Variants in TEK observed in about 807,000 individuals in gnomAD.
TEK encodes the protein angiopoietin-1 receptor.
A neutral mutation model predicts 131.8 loss-of-function variants in TEK; 43 were observed. That is an observed-to-expected ratio of 0.33 (90% confidence interval 0.26 to 0.42). The LOEUF (loss-of-function observed/expected upper bound fraction) is 0.42. TEK is among the 10% of genes least tolerant of loss of function. The pLI is 1.00. For missense variants in TEK, 1,162 were observed against 1,384.4 expected (o/e 0.84, Z 2.55); for synonymous variants, 580 against 491.6 (o/e 1.18, Z -2.38).
In TEK at chr9:27,204,996, C is replaced by T. The variant is rs1825352954; in HGVS notation, c.2295C>T (p.Ala765=). 6.2e-7 allele frequency: 1 copy of T among 1,613,896 alleles called. No homozygotes were observed. The highest frequency in any genetic ancestry group is 1.1e-5 in the South Asian group (1 of 91,086). Residue 765 remains alanine (A), a synonymous_variant, in exon 14 of 23, where the codon GCC becomes GCT. Coordinates refer to ENST00000380036, the MANE Select transcript of TEK (RefSeq NM_000459.5). ...TGACCTGCCTGACTGTGCTGTTGGC[C>T]TTTCTGATCATATTGCAATTGAAGA... The part of the protein sequence containing the change: ...AGMTCLTVLL[A]FLIILQLKRA...
intron 21 of TEK, among the ~76,000 whole-genome samples, chr9:27,225,013 A>T (rs1242672269): frequency 6.6e-6 from 1 of 152,220 alleles, no homozygotes; most frequent in African/African-American, 2.4e-5. Context: ...CACAACTGCT[A>T]CAAAGAGAAT....
At chr9:27,196,010 T>G (rs1454965309) in intron 11 of TEK, among the ~76,000 whole-genome samples, 1 of 152,212 alleles carries the variant, frequency 6.6e-6, no homozygotes, top group African/African-American at 2.4e-5. Context: ...GGAATAGGCC[T>G]GGCCCTGCCA....
chr9:27,169,748 G>A (rs1823879126), intron 4 of TEK, 119 bp downstream of exon 4: 12 of 1,369,666 alleles, frequency 8.8e-6, no homozygotes, highest in Non-Finnish European at 1.2e-5. Context: ...ATTGGTTGGA[G>A]GTTGTATTAG....
At chr9:27,156,275 T>C (rs951645663) in intron 1 of TEK, among the ~76,000 whole-genome samples, 2 of 152,146 alleles carry the variant, frequency 1.3e-5, no homozygotes, top group Non-Finnish European at 2.9e-5. Context: ...GAATATTCCA[T>C]TGTAAACCAA....
In TEK at chr9:27,205,094, A is replaced by G. The variant is rs1410529570; in HGVS notation, c.2364+29A>G. ...GTGTCTCATCTTCCTACTAGCTAAT[A>G]AGGGCAAGTCCAAGTACAGGCAGAA... is the stretch of plus-strand genomic sequence containing the variant. On this transcript the variant is annotated intron_variant, in intron 14 of 22. Transcript: ENST00000380036. 3.1e-6 allele frequency: 5 copies of G among 1,613,606 alleles called. No individual in the cohort carries two copies. In the South Asian group the frequency reaches 3.3e-5, roughly 11 times the overall value.
intron 1 of TEK, among the ~76,000 whole-genome samples, chr9:27,128,786 A>G (rs1822096734): frequency 6.6e-6 from 1 of 152,032 alleles, no homozygotes; most frequent in African/African-American, 2.4e-5. Context: ...TTTGTCTGCT[A>G]TTGGTGTATA....
At chr9:27,139,769 G>T (rs1440981526) in intron 1 of TEK, among the ~76,000 whole-genome samples, 1 of 152,174 alleles carries the variant, frequency 6.6e-6, no homozygotes, top group African/African-American at 2.4e-5. Flanking sequence ...TTGGGCTTCA[G>T]TGAGTTGAGA....
chr9:27,214,457 T>TA (rs1159072817), intron 18 of TEK, among the ~76,000 whole-genome samples: 1 of 152,348 alleles, frequency 6.6e-6, no homozygotes, highest in East Asian at 1.9e-4. Flanking sequence ...TCATAAGATA[T>TA]AGACAATCTT....
intron 12 of TEK, among the ~76,000 whole-genome samples, chr9:27,199,262 T>C (rs1825134908): frequency 1.3e-5 from 2 of 152,242 alleles, no homozygotes; most frequent in Admixed American, 6.5e-5. Context: ...ATGTATCTTG[T>C]CATTCATCCT....
chr9:27,165,605 C>A (rs1823701007), intron 2 of TEK, among the ~76,000 whole-genome samples: 1 of 152,178 alleles, frequency 6.6e-6, no homozygotes, highest in Non-Finnish European at 1.5e-5. Context: ...CAGGGCTTAG[C>A]CTACATCACT....
In TEK at chr9:27,206,683, T is replaced by A. The variant is rs2131215061; in HGVS notation, c.2466T>A (p.Asn822Lys). The A allele has an allele frequency of 6.2e-7, 1 of 1,614,132 alleles. No individual in the cohort carries two copies. Among genetic ancestry groups the A allele is most frequent in the African/African-American group, 1.3e-5 (1 of 75,052 alleles). ...DPTIYPVLDW[N>K]DIKFQDVIGE... ...CAATTTATCCAGTGCTTGACTGGAA[T>A]GACATCAAATTTCAAGATGTGATTG... is the stretch of plus-strand genomic sequence containing the variant. The change falls in exon 15 of 23, where the codon AAT (asparagine) becomes AAA (lysine). Residue 822 changes from asparagine (N) to lysine (K), a missense_variant. Around this residue, in one of 6 missense-constraint regions of TEK, gnomAD observed 477 missense variants for 471.0 expected, o/e 1.01. Coordinates refer to ENST00000380036, the MANE Select transcript of TEK (RefSeq NM_000459.5).
At chr9:27,194,935 C>T (rs898161270) in intron 11 of TEK, among the ~76,000 whole-genome samples, 5 of 151,824 alleles carry the variant, frequency 3.3e-5, no homozygotes, top group African/African-American at 7.3e-5. Flanking sequence ...GACAGGGAGG[C>T]GTATGGGGTA....
At chr9:27,143,051 G>A (rs1283704920) in intron 1 of TEK, among the ~76,000 whole-genome samples, 1 of 152,200 alleles carries the variant, frequency 6.6e-6, no homozygotes, top group Non-Finnish European at 1.5e-5. Flanking sequence ...AGCCGCTCTA[G>A]GGAGGTACCC....
At chr9:27,128,472 T>C (rs951054493) in intron 1 of TEK, among the ~76,000 whole-genome samples, 10 of 152,284 alleles carry the variant, frequency 6.6e-5, no homozygotes, top group Non-Finnish European at 1.5e-4. Flanking sequence ...TCTTTTTTGG[T>C]TCCATATGAA....
chr9:27,168,439 C>T, intron 2 of TEK, 56 bp from the exon 3 acceptor site: 2 of 1,387,692 alleles, frequency 1.4e-6, no homozygotes, highest in Non-Finnish European at 2.0e-6. Context: ...AGCTCAATTG[C>T]TCCTGGAGAA....
intron 1 of TEK, 91 bp from the exon 2 acceptor site, chr9:27,157,740 A>G: frequency 7.0e-7 from 1 of 1,427,044 alleles, no homozygotes; most frequent in Non-Finnish European, 9.9e-7. Flanking sequence ...TCCTCACACA[A>G]CTTTAAGACA....
At chr9:27,207,932 G>A (rs886810293) in intron 15 of TEK, among the ~76,000 whole-genome samples, 1 of 152,132 alleles carries the variant, frequency 6.6e-6, no homozygotes, top group Admixed American at 6.5e-5. Flanking sequence ...TCCCTTTTCT[G>A]TTTTGCTACT....
chr9:27,164,554 T>C (rs778734344), intron 2 of TEK, among the ~76,000 whole-genome samples: 2 of 152,096 alleles, frequency 1.3e-5, no homozygotes, highest in South Asian at 2.1e-4. Flanking sequence ...CTCCTGACCT[T>C]GTGATCTGCC....
chr9:27,109,855 G>A (rs921603146), intron 1 of TEK, among the ~76,000 whole-genome samples: 1 of 152,096 alleles, frequency 6.6e-6, no homozygotes, highest in African/African-American at 2.4e-5. Context: ...TGTCTTCTGG[G>A]TGATTGGCCC....
Sources: allele counts gnomAD v4.1 joint callset (sites outside exome capture counted in the v4.1 genomes callset), GRCh38; gene constraint gnomAD v4.1.1; regional missense constraint gnomAD v4.1.1; transcripts MANE v1.5; gene names NCBI Gene and HGNC (gene_info 2026-07-23, HGNC 2026-07-21).